The following SBNO2 variants were observed in gnomAD, a reference collection of about 807,000 sequenced individuals.
SBNO2 encodes the protein protein strawberry notch homolog 2.
A neutral mutation model predicts 146.3 loss-of-function variants in SBNO2; 89 were observed. That is an observed-to-expected ratio of 0.61 (90% confidence interval 0.51 to 0.73). The LOEUF (loss-of-function observed/expected upper bound fraction) is 0.73. Among genes scored for constraint, SBNO2 ranks in the 30% least tolerant of loss-of-function variants. The pLI, the probability that SBNO2 is intolerant of heterozygous loss-of-function variation, is 0.00. For missense variants in SBNO2, 2,092 were observed against 2,003.7 expected (o/e 1.04, Z -0.84); for synonymous variants, 1,147 against 892.6 (o/e 1.29, Z -5.08).
chr19:1,109,869 A>C lies in SBNO2; in HGVS notation c.3029-92T>G. 1.1e-6 allele frequency: 1 copy of C among 899,774 alleles called. No individual in the cohort carries two copies. Among genetic ancestry groups the C allele is most frequent in the Non-Finnish European group, 1.7e-6 (1 of 596,584 alleles). 55.7% of individuals were successfully genotyped at this position (899,774 alleles called of 1,614,324 possible). Reference sequence around the variant, plus strand: ...CCCGTAGCCGGGGCGCACCCTAGAGACGACCCCCCGAGAGCACAGGAGAGG... The same window carrying C: ...CCCGTAGCCGGGGCGCACCCTAGAGCCGACCCCCCGAGAGCACAGGAGAGG... On this transcript the variant is annotated intron_variant, in intron 26 of 31. Coordinates refer to ENST00000361757, the MANE Select transcript of SBNO2 (RefSeq NM_014963.3). This position sits in a 1 kb window ranked among gnomAD's most constrained non-coding sequence, Gnocchi z 4.2.
In SBNO2 at chr19:1,108,004, C is replaced by G. The variant is rs77713466; in HGVS notation, c.*216G>C. ...CCCTTCCTACTTGGGAGGAGAGGCA[C>G]AGAGAGGGCCCTGCCACGCCCCGGC... On this transcript the variant is annotated 3_prime_UTR_variant, in exon 32 of 32. Coordinates refer to ENST00000361757, the MANE Select transcript of SBNO2 (RefSeq NM_014963.3). 2 of 374,856 alleles carry G rather than the reference C, an allele frequency of 5.3e-6. No individual in the cohort carries two copies. Among genetic ancestry groups the G allele is most frequent in the East Asian group, 5.2e-5 (1 of 19,238 alleles). The allele number at this position is 374,856 out of a possible 1,614,324, so 23.2% of individuals were successfully genotyped here.
At chr19:1,130,428 G>A (rs1351907323) in intron 4 of SBNO2, among the ~76,000 whole-genome samples, 1 of 152,104 alleles carries the variant, frequency 6.6e-6, no homozygotes, top group South Asian at 2.1e-4. Flanking sequence ...GGTGGTCGAG[G>A]CTGCAGTGAG....
intron 3 of SBNO2, 83 bp from the exon 4 acceptor site, chr19:1,147,503 A>G: frequency 1.3e-6 from 1 of 781,938 alleles, no homozygotes; most frequent in Non-Finnish European, 2.0e-6. Flanking sequence ...CCATGGCCGC[A>G]GCCAGAGGCC....
chr19:1,160,372 G>GA (rs1243505516), intron 1 of SBNO2, among the ~76,000 whole-genome samples: 1 of 152,204 alleles, frequency 6.6e-6, no homozygotes, highest in Non-Finnish European at 1.5e-5. Context: ...CCAGGCCTCG[G>GA]GGGGTCTGCG....
At chr19:1,127,815 C>A (rs767970732) in intron 4 of SBNO2, 50 bp from the exon 5 acceptor site, 1 of 1,571,304 alleles carries the variant, frequency 6.4e-7, no homozygotes, top group Non-Finnish European at 8.7e-7. Flanking sequence ...GACACCAAGG[C>A]CCCTCCACGC....
At position 1,144,177 on chromosome 19, in the gene SBNO2, G is replaced by A. The variant is rs1189210169; in HGVS notation, c.279+3132C>T. On this transcript the variant is annotated intron_variant, in intron 4 of 31. Coordinates refer to ENST00000361757, the MANE Select transcript of SBNO2 (RefSeq NM_014963.3). The surrounding 1 kb of genome is among the most constrained non-coding windows in gnomAD (Gnocchi z 4.1). ...TTGGCACCGCGGGACCACGCATCCC[G>A]TCCCACACTCGACACCACAGAACCT... Among the ~76,000 whole-genome samples, 1 of 151,830 alleles carries A rather than the reference G, an allele frequency of 6.6e-6. No homozygotes were observed. Among genetic ancestry groups the A allele is most frequent in the Non-Finnish European group, 1.5e-5 (1 of 67,952 alleles).
chr19:1,163,122 G>A (rs2080365590), intron 1 of SBNO2, among the ~76,000 whole-genome samples: 2 of 152,218 alleles, frequency 1.3e-5, no homozygotes, highest in Admixed American at 6.5e-5. Context: ...AGTCCCTCCA[G>A]ACTCACATCT....
chr19:1,154,366 C>T lies in SBNO2; in HGVS notation c.-90G>A, dbSNP rs774499385. 119 of 637,476 alleles carry T rather than the reference C, an allele frequency of 1.9e-4. No homozygotes were observed. Among genetic ancestry groups the T allele is most frequent in the Non-Finnish European group, 2.5e-4 (112 of 445,184 alleles). The allele number at this position is 637,476 out of a possible 1,614,324, so 39.5% of individuals were successfully genotyped here. ...CGCCGGGGCGTCTATCTGGGCTTCT[C>T]GCTCCGTGGTGGCGGCGGTGGCGGC... On this transcript the variant is annotated 5_prime_UTR_variant, in exon 2 of 32. Coordinates refer to ENST00000361757, the MANE Select transcript of SBNO2 (RefSeq NM_014963.3).
At chr19:1,171,849 C>T (rs1281800799) in intron 1 of SBNO2, among the ~76,000 whole-genome samples, 2 of 152,194 alleles carry the variant, frequency 1.3e-5, no homozygotes, top group Non-Finnish European at 1.5e-5. Context: ...CCCATGGTCA[C>T]GCGGCTGGAG....
intron 1 of SBNO2, among the ~76,000 whole-genome samples, chr19:1,164,821 G>A (rs1258700694): frequency 0.012 from 7 of 600 alleles, no homozygotes; most frequent in South Asian, 0.024. Context: ...GGAGCAGGAG[G>A]AGGGAGGAGG....
At chr19:1,117,522 G>GC in intron 14 of SBNO2, 23 bp from the exon 15 acceptor site, 2 of 1,544,072 alleles carry the variant, frequency 1.3e-6, no homozygotes, top group Non-Finnish European at 1.7e-6. Flanking sequence ...GTCACAAGGC[G>GC]CCCCTGAGCT....
intron 2 of SBNO2, among the ~76,000 whole-genome samples, chr19:1,152,681 C>G (rs530258836): frequency 9.1e-4 from 138 of 152,268 alleles, no homozygotes; most frequent in African/African-American, 3.2e-3. Context: ...TCTGGACGGT[C>G]AGAACATGGC....
At chr19:1,166,888 G>A (rs1404696407) in intron 1 of SBNO2, among the ~76,000 whole-genome samples, 4 of 152,160 alleles carry the variant, frequency 2.6e-5, no homozygotes, top group East Asian at 3.8e-4. Context: ...CAGGCCACAA[G>A]GTCTCCCCAC....
chr19:1,142,015 G>A (rs111551523), intron 4 of SBNO2, among the ~76,000 whole-genome samples: 3,726 of 25,378 alleles, frequency 0.15, 66 homozygotes, highest in African/African-American at 0.18. Flanking sequence ...ACCACCAGGT[G>A]AGCCATGATC....
In SBNO2 at chr19:1,112,175, C is replaced by T; in HGVS notation, c.2628+14G>A. On this transcript the variant is annotated intron_variant, in intron 22 of 31. Transcript: ENST00000361757. This position sits in a 1 kb window ranked among gnomAD's most constrained non-coding sequence, Gnocchi z 5.9. Reference sequence around the variant, plus strand: ...GCCTGTCCCTGGTTCTCAGCCCCACCCCCACCTGCTCACCAGACTCTCCAG... The same window carrying T: ...GCCTGTCCCTGGTTCTCAGCCCCACTCCCACCTGCTCACCAGACTCTCCAG... The T allele has an allele frequency of 1.3e-6, 2 of 1,583,458 alleles. No individual in the cohort carries two copies. Among genetic ancestry groups the T allele is most frequent in the Non-Finnish European group, 8.6e-7 (1 of 1,164,724 alleles).
At chr19:1,133,280 G>A (rs1460380967) in intron 4 of SBNO2, among the ~76,000 whole-genome samples, 1 of 152,198 alleles carries the variant, frequency 6.6e-6, no homozygotes, top group African/African-American at 2.4e-5. Context: ...GGGGAGGAAG[G>A]GCCCGGCCCT....
In SBNO2 at chr19:1,110,650, G is replaced by A. The variant is rs947772422; in HGVS notation, c.3028+95C>T. On this transcript the variant is annotated intron_variant, in intron 26 of 31. Transcript: ENST00000361757. This position sits in a 1 kb window ranked among gnomAD's most constrained non-coding sequence, Gnocchi z 4.9. ...CCCTCGCCCACCCGGGATGCCCGGT[G>A]TTCCCACGAGCCCCGAGCCCACCCA... 5 of 1,414,776 alleles carry A rather than the reference G, an allele frequency of 3.5e-6. No homozygotes were observed. The highest frequency in any genetic ancestry group is 4.7e-6 in the Non-Finnish European group (5 of 1,063,016). The allele number at this position is 1,414,776 out of a possible 1,614,324, so 87.6% of individuals were successfully genotyped here.
In SBNO2 at chr19:1,108,351, G is replaced by T; in HGVS notation, c.3970C>A (p.His1324Asn). 7.7e-7 allele frequency: 1 copy of T among 1,298,666 alleles called. No homozygotes were observed. The highest frequency in any genetic ancestry group is 1.9e-5 in the South Asian group (1 of 53,678). 80.4% of individuals were successfully genotyped at this position (1,298,666 alleles called of 1,614,324 possible). ...EVLEDMLRSLHAGPPSEGALG... is the reference protein window; with the variant it reads ...EVLEDMLRSLNAGPPSEGALG... ...GCGCCCTCGGAGGGCGGCCCCGCGT[G>T]CAGCGAGCGCAGCATGTCCTCCAGC... The change falls in exon 32 of 32, where the codon CAC (histidine) becomes AAC (asparagine). Residue 1324 changes from histidine (H) to asparagine (N), a missense_variant. His to Asn is a moderately conservative substitution (Grantham distance 68, BLOSUM62 1). Coordinates refer to ENST00000361757, the MANE Select transcript of SBNO2 (RefSeq NM_014963.3).
chr19:1,160,486 G>A (rs1020359728), intron 1 of SBNO2, among the ~76,000 whole-genome samples: 2 of 152,152 alleles, frequency 1.3e-5, no homozygotes, highest in African/African-American at 2.4e-5. Flanking sequence ...GGGGGAGGAC[G>A]CACAGAGGGT....
Sources: gnomAD v4.1 joint callset for allele counts (sites outside exome capture counted in the v4.1 genomes callset) on GRCh38, gnomAD v4.1.1 for gene constraint, Gnocchi (gnomAD v3.1) non-coding constraint, MANE v1.5 for transcripts, NCBI Gene and HGNC (gene_info 2026-07-23, HGNC 2026-07-21) for gene names.